The following RNF38 variants were observed in gnomAD, a reference collection of about 807,000 sequenced individuals.
The protein encoded by RNF38 is E3 ubiquitin-protein ligase RNF38.
RNF38 carries 15 observed loss-of-function variants against 67.2 expected under a neutral mutation model. The observed-to-expected ratio is 0.22, with a 90% CI of 0.15 to 0.34. RNF38 has a LOEUF of 0.34. Among genes scored for constraint, RNF38 ranks in the 10% least tolerant of loss-of-function variants. RNF38 has a pLI of 1.00. For missense variants in RNF38, 524 were observed against 639.9 expected, an observed-to-expected ratio of 0.82 and a Z score of 1.95; for synonymous variants, 220 against 218.8, an observed-to-expected ratio of 1.01 and a Z score of -0.05.
At chr9:36,364,082 A>G (rs76381380) in intron 4 of RNF38, among the ~76,000 whole-genome samples, 17,548 of 63,602 alleles carry the variant, frequency 0.28, 3,391 homozygotes, top group Non-Finnish European at 0.4. Flanking sequence ...TGCCCACTTC[A>G]GCCTCCCAAA....
At chr9:36,400,741 C>G, upstream of RNF38, 1 of 985,740 alleles carries the variant, frequency 1.0e-6, no homozygotes, top group Non-Finnish European at 1.2e-6. Flanking sequence ...CCGGCACCAT[C>G]ACACGGGCCG....
At chr9:36,400,643 G>T, upstream of RNF38, 1 of 985,626 alleles carries the variant, frequency 1.0e-6, no homozygotes, top group Non-Finnish European at 1.2e-6. Context: ...CCAGCCCGCG[G>T]CCAGCTCGCC....
chr9:36,345,010 C>CT (rs112159514), intron 9 of RNF38, 57 bp from the exon 10 acceptor site: 30,399 of 1,223,150 alleles, frequency 0.025, 8 homozygotes, highest in South Asian at 0.048. Context: ...CATTCCAATA[C>CT]TTTTTTTTTT....
At chr9:36,474,847 A>T (rs1212762426) in intron 1 of RNF38, among the ~76,000 whole-genome samples, 1 of 148,238 alleles carries the variant, frequency 6.7e-6, no homozygotes, top group African/African-American at 2.5e-5. Context: ...AGAGGTAGAA[A>T]AATCACACAC....
chr9:36,425,098 GAAAC>G (rs1838734425), intron 1 of RNF38, among the ~76,000 whole-genome samples: 1 of 152,104 alleles, frequency 6.6e-6, no homozygotes, highest in Non-Finnish European at 1.5e-5. Flanking sequence ...AAACATATAA[GAAAC>G]AATCTAATCT....
chr9:36,481,165 C>T (rs1840252528), intron 1 of RNF38, among the ~76,000 whole-genome samples: 1 of 152,004 alleles, frequency 6.6e-6, no homozygotes, highest in South Asian at 2.1e-4. Flanking sequence ...CACGTGCGTG[C>T]CACCACGCCC....
In RNF38 at chr9:36,336,574, G is replaced by T. The variant is rs1039609163; in HGVS notation, c.*3178C>A. The T allele has an allele frequency of 5.2e-5, 8 of 152,542 alleles. No homozygotes were observed. The highest frequency in any genetic ancestry group is 1.9e-4 in the African/African-American group (8 of 41,422). The allele number at this position is 152,542 out of a possible 1,614,324, so 9.4% of individuals were successfully genotyped here. On this transcript the variant is annotated 3_prime_UTR_variant, in exon 12 of 12. Coordinates refer to ENST00000259605, the MANE Select transcript of RNF38 (RefSeq NM_022781.5). ...CAAGCCTTCAAATGATTTGGTTACA[G>T]ATATTTATAATACATACATTTAAAA...
chr9:36,417,053 C>T (rs533700813), intron 2 of RNF38, among the ~76,000 whole-genome samples: 87 of 152,218 alleles, frequency 5.7e-4, no homozygotes, highest in Non-Finnish European at 1.1e-3. Context: ...GGAGCCACCG[C>T]GCCTGGCCTT....
At chr9:36,355,030 C>G (rs771188467) in intron 6 of RNF38, among the ~76,000 whole-genome samples, 5 of 152,152 alleles carry the variant, frequency 3.3e-5, no homozygotes, top group Non-Finnish European at 7.3e-5. Context: ...TTCCCAGATA[C>G]TGGAAGCTGA....
intron 1 of RNF38, among the ~76,000 whole-genome samples, chr9:36,438,099 G>A (rs530255540): frequency 6.6e-6 from 1 of 152,038 alleles, no homozygotes; most frequent in African/African-American, 2.4e-5. Context: ...GTGCTACCAG[G>A]CTCAGCTAAT....
chr9:36,348,025 G>A (rs7852453), intron 9 of RNF38, among the ~76,000 whole-genome samples: 143,955 of 152,148 alleles, frequency 0.95, 68,582 homozygotes, highest in East Asian at 1. Context: ...GCAGTGAGCC[G>A]AGATTGCGCC....
At chr9:36,385,094 A>T (rs187728785) in intron 2 of RNF38, among the ~76,000 whole-genome samples, 13 of 152,316 alleles carry the variant, frequency 8.5e-5, no homozygotes, top group Non-Finnish European at 1.5e-4. Flanking sequence ...AGCAAATTGG[A>T]AAAGTGAAAA....
intron 1 of RNF38, among the ~76,000 whole-genome samples, chr9:36,467,241 A>ATT (rs1243346237): frequency 3.4e-5 from 3 of 89,548 alleles, no homozygotes; most frequent in African/African-American, 1.1e-4. Context: ...TAATATATAT[A>ATT]TATACACACA....
At chr9:36,394,677 T>C (rs1308754599) in intron 1 of RNF38, among the ~76,000 whole-genome samples, 1 of 152,176 alleles carries the variant, frequency 6.6e-6, no homozygotes, top group African/African-American at 2.4e-5. Flanking sequence ...GTCACATACC[T>C]CAGAAATATC....
intron 1 of RNF38, among the ~76,000 whole-genome samples, chr9:36,432,728 G>A (rs1290290469): frequency 6.6e-6 from 1 of 152,016 alleles, no homozygotes; most frequent in African/African-American, 2.4e-5. Flanking sequence ...AGGAGGCGGA[G>A]GCTGCAGTGA....
chr9:36,419,414 A>C (rs1267569786), intron 2 of RNF38, among the ~76,000 whole-genome samples: 1 of 152,222 alleles, frequency 6.6e-6, no homozygotes, highest in Non-Finnish European at 1.5e-5. Context: ...AGTACACATA[A>C]GCAGTTTAGG....
intron 1 of RNF38, among the ~76,000 whole-genome samples, chr9:36,440,590 A>G (rs995831618): frequency 2.0e-5 from 3 of 152,094 alleles, no homozygotes; most frequent in African/African-American, 7.2e-5. Context: ...AAAGTTACCA[A>G]AATATACTGT....
chr9:36,466,340 A>C (rs1301550992), intron 1 of RNF38, among the ~76,000 whole-genome samples: 1 of 152,246 alleles, frequency 6.6e-6, no homozygotes, highest in Admixed American at 6.5e-5. Context: ...TACTGGTTAC[A>C]CAACTGTGAA....
intron 6 of RNF38, 108 bp from the exon 7 acceptor site, chr9:36,353,439 T>TTGG: frequency 1.4e-6 from 1 of 698,262 alleles, no homozygotes; most frequent in East Asian, 3.1e-5. Flanking sequence ...CAAAATGTCT[T>TTGG]TAAGGCCATG....
Sources: allele counts gnomAD v4.1 joint callset (sites outside exome capture counted in the v4.1 genomes callset), GRCh38; gene constraint gnomAD v4.1.1; transcripts MANE v1.5; gene names NCBI Gene and HGNC (gene_info 2026-07-23, HGNC 2026-07-21).